DRC11: variants seen among roughly 807,000 people sequenced by gnomAD.
DRC11 encodes dynein regulatory complex subunit 11, also known as IQ and AAA domain-containing protein 1.
chr2:236,422,586 TG>T, the DRC11 span, among the ~76,000 whole-genome samples: 1 of 152,192 alleles, frequency 6.6e-6, no homozygotes, highest in Non-Finnish European at 1.5e-5. Context: ...TCCATGCTCA[TG>T]GGTAGGAAGA....
At chr2:236,346,913 T>C in the DRC11 span, among the ~76,000 whole-genome samples, 2 of 152,194 alleles carry the variant, frequency 1.3e-5, no homozygotes, top group African/African-American at 4.8e-5. Flanking sequence ...TATGACCTTC[T>C]AGGGACATTC....
chr2:236,491,180 T>TACACACAGTATATATATATATATATATAC, the DRC11 span, among the ~76,000 whole-genome samples: 8 of 43,704 alleles, frequency 1.8e-4, no homozygotes, highest in East Asian at 7.7e-4. Context: ...TATATATATA[T>TACACACAGTATATATATATATATATATAC]ACACACAGTA....
chr2:236,439,345 A>G, the DRC11 span, among the ~76,000 whole-genome samples: 16 of 152,338 alleles, frequency 1.1e-4, no homozygotes, highest in South Asian at 3.3e-3. Context: ...TTTTTTAAAA[A>G]AACTTTTGGG....
At chr2:236,389,673 A>G in the DRC11 span, among the ~76,000 whole-genome samples, 7 of 152,182 alleles carry the variant, frequency 4.6e-5, no homozygotes, top group Non-Finnish European at 1.0e-4. Context: ...CTATTCGGCC[A>G]TCTTGGCTCC....
the DRC11 span, among the ~76,000 whole-genome samples, chr2:236,317,994 C>CCGGTCTCA: frequency 6.6e-6 from 1 of 152,244 alleles, no homozygotes; most frequent in African/African-American, 2.4e-5. The surrounding 1 kb of genome is among the most constrained non-coding windows in gnomAD (Gnocchi z 5.4). Flanking sequence ...CAGGCAGACA[C>CCGGTCTCA]CGGTCTCACG....
the DRC11 span, chr2:236,368,856 CA>C: frequency 6.6e-6 from 1 of 152,662 alleles, no homozygotes; most frequent in Admixed American, 6.5e-5. Flanking sequence ...ACATTTTTAT[CA>C]TTTTTAAGAG....
the DRC11 span, chr2:236,338,244 T>C: frequency 6.2e-7 from 1 of 1,613,974 alleles, no homozygotes; most frequent in African/African-American, 1.3e-5. Flanking sequence ...ACCAAAATAA[T>C]TTTCTGGTAA....
At chr2:236,389,220 C>T in the DRC11 span, among the ~76,000 whole-genome samples, 2 of 152,186 alleles carry the variant, frequency 1.3e-5, no homozygotes, top group South Asian at 4.1e-4. Context: ...GCTTTGTTTA[C>T]CTAATCAAGC....
At chr2:236,338,653 T>C in the DRC11 span, among the ~76,000 whole-genome samples, 65 of 152,086 alleles carry the variant, frequency 4.3e-4, no homozygotes, top group Non-Finnish European at 7.2e-4. Flanking sequence ...GCCCTAGGAA[T>C]GGGAAGTGGT....
At chr2:236,418,585 C>T in the DRC11 span, among the ~76,000 whole-genome samples, 1 of 151,152 alleles carries the variant, frequency 6.6e-6, no homozygotes, top group Non-Finnish European at 1.5e-5. Flanking sequence ...CATGAAGACC[C>T]CCCCAGTTAT....
At chr2:236,452,296 C>T in the DRC11 span, among the ~76,000 whole-genome samples, 1 of 152,186 alleles carries the variant, frequency 6.6e-6, no homozygotes, top group African/African-American at 2.4e-5. This position sits in a 1 kb window ranked among gnomAD's most constrained non-coding sequence, Gnocchi z 4.7. Context: ...CTACAATGAT[C>T]AATCTTTCCC....
the DRC11 span, chr2:236,497,101 C>T: frequency 2.4e-5 from 30 of 1,228,024 alleles, no homozygotes; most frequent in Middle Eastern, 1.9e-4. This position sits in a 1 kb window ranked among gnomAD's most constrained non-coding sequence, Gnocchi z 5.1. Flanking sequence ...GTACAGATAT[C>T]GGGTACATAT....
chr2:236,406,334 T>C, the DRC11 span, among the ~76,000 whole-genome samples: 1 of 152,336 alleles, frequency 6.6e-6, no homozygotes, highest in South Asian at 2.1e-4. The surrounding 1 kb of genome is among the most constrained non-coding windows in gnomAD (Gnocchi z 4.7). Context: ...CATGGAGGTT[T>C]TGTTGAAAAT....
the DRC11 span, among the ~76,000 whole-genome samples, chr2:236,358,027 T>C: frequency 1.7e-5 from 2 of 118,536 alleles, no homozygotes; most frequent in Non-Finnish European, 3.2e-5. Context: ...AGATATAATA[T>C]GAATATATAT....
the DRC11 span, among the ~76,000 whole-genome samples, chr2:236,441,301 T>C: frequency 6.6e-6 from 1 of 152,168 alleles, no homozygotes; most frequent in Non-Finnish European, 1.5e-5. Context: ...TTACATTCAG[T>C]AGCAGGTTTC....
the DRC11 span, among the ~76,000 whole-genome samples, chr2:236,316,177 T>TCTCTCTCTCTCTCTC: frequency 7.6e-6 from 1 of 131,846 alleles, no homozygotes; most frequent in African/African-American, 3.5e-5. This position sits in a 1 kb window ranked among gnomAD's most constrained non-coding sequence, Gnocchi z 6.8. Flanking sequence ...CTCTCTCTCT[T>TCTCTCTCTCTCTCTC]TTTGAGATGG....
the DRC11 span, among the ~76,000 whole-genome samples, chr2:236,382,687 T>A: frequency 6.6e-6 from 1 of 151,318 alleles, no homozygotes; most frequent in Non-Finnish European, 1.5e-5. Context: ...ATGTATTTCA[T>A]TTTTTGAGTG....
chr2:236,330,562 T>TG, the DRC11 span, among the ~76,000 whole-genome samples: 1 of 152,216 alleles, frequency 6.6e-6, no homozygotes, highest in Non-Finnish European at 1.5e-5. The surrounding 1 kb of genome is among the most constrained non-coding windows in gnomAD (Gnocchi z 5.5). Flanking sequence ...AGTGATGTGT[T>TG]GCAGAGGGAA....
the DRC11 span, among the ~76,000 whole-genome samples, chr2:236,500,949 C>T: frequency 6.6e-6 from 1 of 152,168 alleles, no homozygotes; most frequent in Non-Finnish European, 1.5e-5. The surrounding 1 kb of genome is among the most constrained non-coding windows in gnomAD (Gnocchi z 6.3). Flanking sequence ...CTGCCCACCT[C>T]GGCCTCCCAA....
Sources: allele counts gnomAD v4.1 joint callset (sites outside exome capture counted in the v4.1 genomes callset), GRCh38; gene constraint gnomAD v4.1.1; non-coding constraint Gnocchi (gnomAD v3.1); transcripts MANE v1.5; gene names NCBI Gene and HGNC (gene_info 2026-07-23, HGNC 2026-07-21).